The following RPS6KA5 variants were observed in gnomAD, a reference collection of about 807,000 sequenced individuals.
RPS6KA5 encodes ribosomal protein S6 kinase alpha-5.
Under a neutral mutation model 85.5 loss-of-function variants are expected in RPS6KA5, and 27 were observed. The observed-to-expected ratio is 0.32, with a 90% CI of 0.23 to 0.44. RPS6KA5 has a LOEUF of 0.44. RPS6KA5 is among the 20% of genes least tolerant of loss of function. RPS6KA5 has a pLI of 1.00. For synonymous variants in RPS6KA5, 334 were observed against 348.2 expected (o/e 0.96, Z 0.46); for missense variants, 811 against 980.9 (o/e 0.83, Z 2.31).
In RPS6KA5 at chr14:91,060,317, G is replaced by A. The variant is rs546806243; in HGVS notation, c.103+15C>T. 8.5e-5 allele frequency: 110 copies of A among 1,301,422 alleles called. 1 individual carries two copies. In the South Asian group the frequency reaches 1.9e-3, roughly 23 times the overall value. 80.6% of individuals were successfully genotyped at this position (1,301,422 alleles called of 1,614,324 possible). On this transcript the variant is annotated intron_variant, in intron 1 of 16. Transcript: ENST00000614987. ...CCCGCGCCGGGCCCGGCCGGCAGAG[G>A]GCGGGGTCGCTCACCAGTCCGCAGC...
intron 5 of RPS6KA5, among the ~76,000 whole-genome samples, chr14:90,925,562 A>T (rs2036613151): frequency 6.6e-6 from 1 of 152,138 alleles, no homozygotes; most frequent in African/African-American, 2.4e-5. Flanking sequence ...AACCAGAGAT[A>T]TTCTCACAAC....
chr14:90,899,234 A>G (rs1478544957), intron 12 of RPS6KA5, 95 bp downstream of exon 12: 8 of 819,472 alleles, frequency 9.8e-6, no homozygotes, highest in Non-Finnish European at 1.2e-5. Context: ...TATATCCCTG[A>G]CTCTGACCCA....
chr14:90,919,478 G>A (rs2036286867), intron 7 of RPS6KA5, among the ~76,000 whole-genome samples: 2 of 152,178 alleles, frequency 1.3e-5, no homozygotes, highest in East Asian at 3.9e-4. Flanking sequence ...TGTTCTCAAA[G>A]TTACAAAATT....
At chr14:91,003,641 C>T (rs1201578995) in intron 1 of RPS6KA5, among the ~76,000 whole-genome samples, 4 of 151,800 alleles carry the variant, frequency 2.6e-5, no homozygotes, top group African/African-American at 7.3e-5. Context: ...TTCTCTTTGG[C>T]TCCTCCTCTC....
chr14:90,886,340 G>A (rs1453914182), intron 14 of RPS6KA5, among the ~76,000 whole-genome samples: 1 of 152,122 alleles, frequency 6.6e-6, no homozygotes, highest in African/African-American at 2.4e-5. Flanking sequence ...CACTTCACAG[G>A]TATGTTATAT....
chr14:91,037,327 C>T (rs902028499), intron 1 of RPS6KA5, among the ~76,000 whole-genome samples: 1 of 152,202 alleles, frequency 6.6e-6, no homozygotes, highest in Admixed American at 6.5e-5. Context: ...TGCCCCAAAT[C>T]TCTGTGGATA....
At chr14:91,056,745 A>G (rs2043333108) in intron 1 of RPS6KA5, among the ~76,000 whole-genome samples, 1 of 152,114 alleles carries the variant, frequency 6.6e-6, no homozygotes, top group African/African-American at 2.4e-5. Flanking sequence ...TCTCCTTCCA[A>G]TAATATCCTT....
chr14:91,004,824 C>G (rs984153078), intron 1 of RPS6KA5, among the ~76,000 whole-genome samples: 8 of 151,872 alleles, frequency 5.3e-5, no homozygotes, highest in Admixed American at 5.2e-4. Flanking sequence ...AAAAATTAGC[C>G]GGGCATGGTG....
intron 6 of RPS6KA5, 126 bp from the exon 7 acceptor site, chr14:90,920,435 A>G (rs1395129874): frequency 1.4e-5 from 9 of 646,194 alleles, no homozygotes; most frequent in Middle Eastern, 4.3e-4. Context: ...ACCTCCTTCT[A>G]TGTAAGGAGT....
intron 1 of RPS6KA5, among the ~76,000 whole-genome samples, chr14:91,014,169 G>A (rs1263985273): frequency 1.3e-5 from 2 of 152,060 alleles, no homozygotes. Flanking sequence ...GAAAAAATTA[G>A]GGCTTTAAAG....
At position 90,872,050 on chromosome 14, in the gene RPS6KA5, A is replaced by C; in HGVS notation, c.*24T>G. 5.0e-6 allele frequency: 8 copies of C among 1,595,956 alleles called. No homozygotes were observed. Among genetic ancestry groups the C allele is most frequent in the Non-Finnish European group, 6.8e-6 (8 of 1,172,806 alleles). Reference sequence around the variant, plus strand: ...TGCTGAGGGAATAAAGGTGCAATGGATCACTGATACACTCCTACCATGCCT... The same window carrying C: ...TGCTGAGGGAATAAAGGTGCAATGGCTCACTGATACACTCCTACCATGCCT... On this transcript the variant is annotated 3_prime_UTR_variant, in exon 17 of 17. Transcript: ENST00000614987.
chr14:90,851,750 T>C lies in RPS6KA5; in HGVS notation c.*20324A>G, dbSNP rs148558225. On this transcript the variant is annotated 3_prime_UTR_variant, in exon 17 of 17. Coordinates refer to ENST00000614987, the MANE Select transcript of RPS6KA5 (RefSeq NM_004755.4). Reference sequence around the variant, plus strand: ...CTTCTAGAGGATGAAGGTATTTCTCTTTAGATACTGGTAGATATCATTAGT... The same window carrying C: ...CTTCTAGAGGATGAAGGTATTTCTCCTTAGATACTGGTAGATATCATTAGT... 8 of 152,238 alleles carry C rather than the reference T, an allele frequency of 5.3e-5. No homozygotes were observed. The highest frequency in any genetic ancestry group is 1.2e-4 in the Non-Finnish European group (8 of 68,050). The allele number at this position is 152,238 out of a possible 1,614,324, so 9.4% of individuals were successfully genotyped here. A position where few individuals can be genotyped will look rare whatever the true frequency, so the allele number is the denominator to read the frequency against.
rs1297381557 is a variant in RPS6KA5, at chr14:90,865,117, G to A, written c.*6957C>T. The A allele has an allele frequency of 2.6e-5, 4 of 152,104 alleles. No individual in the cohort carries two copies. The highest frequency in any genetic ancestry group is 9.7e-5 in the African/African-American group (4 of 41,406). 9.4% of individuals were successfully genotyped at this position (152,104 alleles called of 1,614,324 possible). A position where few individuals can be genotyped will look rare whatever the true frequency, so the allele number is the denominator to read the frequency against. On this transcript the variant is annotated 3_prime_UTR_variant, in exon 17 of 17. Transcript: ENST00000614987. ...ATCGCCCAGGATGGAATGTAGTGGT[G>A]CGATCAAGGCTCACTGCAGCCAGCT...
At chr14:91,043,561 A>G (rs1045490733) in intron 1 of RPS6KA5, among the ~76,000 whole-genome samples, 1 of 152,214 alleles carries the variant, frequency 6.6e-6, no homozygotes, top group African/African-American at 2.4e-5. Flanking sequence ...TGGAAGAAGA[A>G]TAATAATAAT....
rs1397308964 is a variant in RPS6KA5 at position 90,849,763 on chromosome 14, GCTA to G, written c.*22308_*22310del. On this transcript the variant is annotated 3_prime_UTR_variant, in exon 17 of 17. Coordinates refer to ENST00000614987, the MANE Select transcript of RPS6KA5 (RefSeq NM_004755.4). ...TGTAGGGGTCAGCTAACAGTAACAA[GCTA>G]CTACTATTATTTCCCAAAGATGGAA... The G allele has an allele frequency of 6.6e-6, 1 of 152,204 alleles. No homozygotes were observed. Among genetic ancestry groups the G allele is most frequent in the Non-Finnish European group, 1.5e-5 (1 of 68,034 alleles). 9.4% of individuals were successfully genotyped at this position (152,204 alleles called of 1,614,324 possible).
At chr14:91,057,332 T>C (rs1347523317) in intron 1 of RPS6KA5, among the ~76,000 whole-genome samples, 1 of 152,178 alleles carries the variant, frequency 6.6e-6, no homozygotes, top group Admixed American at 6.5e-5. Flanking sequence ...GCACTGGTAA[T>C]ACAATAAACT....
chr14:91,057,368 T>G (rs760992977), intron 1 of RPS6KA5, among the ~76,000 whole-genome samples: 1 of 152,188 alleles, frequency 6.6e-6, no homozygotes, highest in Non-Finnish European at 1.5e-5. Flanking sequence ...TGGATTCTCA[T>G]GCATTCAGTG....
chr14:90,953,381 A>G (rs541965759), intron 3 of RPS6KA5, among the ~76,000 whole-genome samples: 1 of 152,312 alleles, frequency 6.6e-6, no homozygotes, highest in East Asian at 1.9e-4. Flanking sequence ...GAGGATGTAC[A>G]TCACCTCAGG....
intron 1 of RPS6KA5, among the ~76,000 whole-genome samples, chr14:91,046,621 G>A (rs1012977165): frequency 6.6e-6 from 1 of 152,150 alleles, no homozygotes; most frequent in African/African-American, 2.4e-5. Flanking sequence ...AGAGGACAGA[G>A]TGCTTCAGTT....
Sources: gnomAD v4.1 joint callset for allele counts (sites outside exome capture counted in the v4.1 genomes callset) on GRCh38, gnomAD v4.1.1 for gene constraint, MANE v1.5 for transcripts, NCBI Gene and HGNC (gene_info 2026-07-23, HGNC 2026-07-21) for gene names.